The following BPTF variants were observed in gnomAD, a reference collection of about 807,000 sequenced individuals.
The protein encoded by BPTF is nucleosome-remodeling factor subunit BPTF.
BPTF carries 18 observed loss-of-function variants against 292.5 expected under a neutral mutation model. The observed-to-expected ratio is 0.06, with a 90% confidence interval of 0.04 to 0.09. The LOEUF (loss-of-function observed/expected upper bound fraction) is 0.09, where lower values mean the gene tolerates loss of function less well. Ranked by LOEUF, BPTF falls within the 10% of genes least tolerant of loss-of-function variation. The pLI is 1.00. For missense variants in BPTF, 2,726 were observed against 3,498.7 expected (o/e 0.78, Z 5.57); for synonymous variants, 1,225 against 1,251.9 (o/e 0.98, Z 0.45).
intron 27 of BPTF, chr17:67,976,220 C>G (rs1387110607): frequency 8.1e-6 from 2 of 245,712 alleles, no homozygotes; most frequent in Non-Finnish European, 1.5e-5. Context: ...CGCCTGTAAT[C>G]CCAACACTTT....
chr17:67,956,234 G>A (rs376444979), intron 23 of BPTF: 5 of 150,366 alleles, frequency 3.3e-5, no homozygotes, highest in African/African-American at 1.2e-4. Flanking sequence ...CAGGAGAATG[G>A]CGTGAACCCG....
intron 2 of BPTF, among the ~76,000 whole-genome samples, chr17:67,865,116 T>C (rs2059323036): frequency 3.3e-5 from 5 of 152,202 alleles, no homozygotes. Context: ...AGTTGATCAT[T>C]CCTAATCTGA....
At chr17:67,949,273 G>A (rs147167486) in intron 23 of BPTF, among the ~76,000 whole-genome samples, 291 of 152,250 alleles carry the variant, frequency 1.9e-3, no homozygotes, top group African/African-American at 6.7e-3. Context: ...GCTAAGGCAG[G>A]ATGATCACTT....
At chr17:67,888,573 G>A (rs2060893656) in intron 4 of BPTF, among the ~76,000 whole-genome samples, 1 of 112,336 alleles carries the variant, frequency 8.9e-6, no homozygotes, top group Non-Finnish European at 1.6e-5. Context: ...CTGGGTGACA[G>A]AACGAGACTC....
Position 67,967,857 on chromosome 17 carries a change from A to G in BPTF, c.8539+1201A>G, listed in dbSNP as rs115951095. Among the ~76,000 whole-genome samples, 3 of 151,380 alleles carry G rather than the reference A, an allele frequency of 2.0e-5. No individual in the cohort carries two copies. The South Asian group carries it at 6.2e-4, about 31-fold the overall frequency. On this transcript the variant is annotated intron_variant, in intron 26 of 27. Coordinates refer to ENST00000306378, the MANE Select transcript of BPTF (RefSeq NM_182641.4). ...ATTGGAAATGAAATAAGTAGCCATC[A>G]ATAGAGGAGTAGCTATATCAGATGG...
intron 1 of BPTF, among the ~76,000 whole-genome samples, chr17:67,835,173 C>T (rs1483813353): frequency 1.3e-5 from 2 of 151,958 alleles, no homozygotes; most frequent in African/African-American, 4.8e-5. Flanking sequence ...ACCATGCCAC[C>T]ACACTCCAGC....
In BPTF at chr17:67,909,728, G is replaced by C; in HGVS notation, c.2959G>C (p.Asp987His). The change falls in exon 10 of 28, where the codon GAT becomes CAT. Residue 987 changes from aspartate to histidine, a missense_variant. This residue lies in a region of BPTF where 713 missense variants were observed against 714.9 expected (regional missense o/e 1.00). Transcript: ENST00000306378. ...AAAAGGAGCAGACCAAAATGAAATG[G>C]ATATCTCAAAGATTACTGAGAAGAA... ...AAKGADQNEM[D>H]ISKITEKKDQ... 2 of 1,583,908 alleles carry C rather than the reference G, an allele frequency of 1.3e-6. No individual in the cohort carries two copies. Among genetic ancestry groups the C allele is most frequent in the Non-Finnish European group, 1.7e-6 (2 of 1,169,430 alleles).
In BPTF at chr17:67,959,878, G is replaced by A; in HGVS notation, c.8261+3G>A. The A allele has an allele frequency of 6.6e-7, 1 of 1,519,076 alleles. No homozygotes were observed. The allele number at this position is 1,519,076 out of a possible 1,614,324, so 94.1% of individuals were successfully genotyped here. Reference sequence around the variant, plus strand: ...AAAACGCCTTATGATGAATCTAAGTGAGTAGATCTTTTTGAGCTCTAGTTT... The same window carrying A: ...AAAACGCCTTATGATGAATCTAAGTAAGTAGATCTTTTTGAGCTCTAGTTT... On this transcript the variant is annotated splice_donor_region_variant and intron_variant, in intron 24 of 27. Transcript: ENST00000306378.
In BPTF at chr17:67,913,008, T is replaced by C. The variant is rs112258244; in HGVS notation, c.5124T>C (p.Tyr1708=). ...KTRSGTALPS[Y]RKFVTKSSKK... is the part of the protein sequence containing the mutation. ...GTTCAGGTACAGCTCTGCCATCCTA[T>C]AGAAAATTTGTTACCAAGAGCAGCA... The change falls in exon 11 of 28, where the codon TAT becomes TAC. Residue 1708 remains tyrosine, a synonymous_variant. Transcript: ENST00000306378. 4.3e-5 allele frequency: 69 copies of C among 1,614,180 alleles called. No individual in the cohort carries two copies. Among genetic ancestry groups the C allele is most frequent in the African/African-American group, 3.7e-4 (28 of 75,054 alleles).
In BPTF at chr17:67,854,392, C is replaced by T; in HGVS notation, c.1066C>T (p.Pro356Ser). Residue 356 changes from proline to serine, a missense_variant, in exon 2 of 28, where the codon CCA becomes TCA. Coordinates refer to ENST00000306378, the MANE Select transcript of BPTF (RefSeq NM_182641.4). This position sits in a 1 kb window ranked among gnomAD's most constrained non-coding sequence, Gnocchi z 5.6. ...AGAGGCAGAGGACTACCCATATGGA[C>T]CAGTAGAGAACAAGATCAAAGTTCT... ...YQEAEDYPYG[P>S]VENKIKVLQF... The T allele has an allele frequency of 1.9e-6, 3 of 1,614,112 alleles. No homozygotes were observed. The highest frequency in any genetic ancestry group is 2.5e-6 in the Non-Finnish European group (3 of 1,180,014).
intron 23 of BPTF, among the ~76,000 whole-genome samples, chr17:67,958,693 T>C (rs542550059): frequency 1.3e-4 from 19 of 151,338 alleles, no homozygotes; most frequent in African/African-American, 4.6e-4. Flanking sequence ...ATTGTGCCAC[T>C]GCACTCCAGC....
chr17:67,977,484 C>T (rs1486345590), intron 27 of BPTF, among the ~76,000 whole-genome samples: 2 of 151,596 alleles, frequency 1.3e-5, no homozygotes, highest in African/African-American at 4.8e-5. Flanking sequence ...CACTGCATTC[C>T]AGCCTTGGTG....
intron 12 of BPTF, among the ~76,000 whole-genome samples, 156 bp downstream of exon 12, chr17:67,918,994 A>G (rs2063240505): frequency 6.6e-6 from 1 of 150,968 alleles, no homozygotes; most frequent in Non-Finnish European, 1.5e-5. Context: ...AACATGGTGA[A>G]ACCCCGTCTC....
intron 1 of BPTF, among the ~76,000 whole-genome samples, chr17:67,833,578 T>C (rs1467379666): frequency 6.6e-6 from 1 of 151,170 alleles, no homozygotes; most frequent in African/African-American, 2.4e-5. Context: ...TTTCTTTCTT[T>C]TTTTTTTTTT....
intron 26 of BPTF, 93 bp downstream of exon 26, chr17:67,966,749 G>A: frequency 9.2e-7 from 1 of 1,092,234 alleles, no homozygotes; most frequent in Non-Finnish European, 1.3e-6. Context: ...TTTTAGCAAG[G>A]CTGGTGGGGG....
At chr17:67,978,227 A>G (rs2069795944) in intron 27 of BPTF, among the ~76,000 whole-genome samples, 1 of 151,186 alleles carries the variant, frequency 6.6e-6, no homozygotes, top group Admixed American at 6.6e-5. Context: ...AGCTCAAGCG[A>G]TCCTCCCACC....
intron 12 of BPTF, among the ~76,000 whole-genome samples, chr17:67,919,152 A>T (rs2063253794): frequency 6.7e-6 from 1 of 148,988 alleles, no homozygotes; most frequent in South Asian, 2.1e-4. Flanking sequence ...AGCCAGTGCG[A>T]CAGAGTGAGA....
intron 3 of BPTF, among the ~76,000 whole-genome samples, chr17:67,872,835 G>A (rs1210359471): frequency 1.3e-5 from 2 of 152,136 alleles, no homozygotes; most frequent in Non-Finnish European, 2.9e-5. Flanking sequence ...CACTGCTAAC[G>A]CCTGTAACCC....
At chr17:67,969,751 C>G (rs896163058) in intron 26 of BPTF, among the ~76,000 whole-genome samples, 1 of 151,800 alleles carries the variant, frequency 6.6e-6, no homozygotes, top group Admixed American at 6.6e-5. Flanking sequence ...TAGCTTGAGC[C>G]CAGGATTTTA....
Sources: allele counts gnomAD v4.1 joint callset (sites outside exome capture counted in the v4.1 genomes callset), GRCh38; gene constraint gnomAD v4.1.1; regional missense constraint gnomAD v4.1.1; non-coding constraint Gnocchi (gnomAD v3.1); transcripts MANE v1.5; gene names NCBI Gene and HGNC (gene_info 2026-07-23, HGNC 2026-07-21).